Variants in PACS1 observed in about 807,000 individuals in gnomAD.
PACS1 encodes PACS-1.
Under a neutral mutation model 115.0 loss-of-function variants are expected in PACS1, and 24 were observed. That is an observed-to-expected ratio of 0.21 (90% CI 0.15 to 0.29). The LOEUF (loss-of-function observed/expected upper bound fraction) is 0.29, where lower values mean the gene tolerates loss of function less well. Among genes scored for constraint, PACS1 ranks in the 10% least tolerant of loss-of-function variants. PACS1 has a pLI of 1.00. For synonymous variants in PACS1, 453 were observed against 504.5 expected (o/e 0.90, Z 1.37); for missense variants, 838 against 1,251.2 (o/e 0.67, Z 4.98).
At chr11:66,195,655 T>C (rs951997236) in intron 2 of PACS1, among the ~76,000 whole-genome samples, 1 of 152,170 alleles carries the variant, frequency 6.6e-6, no homozygotes, top group Non-Finnish European at 1.5e-5. Flanking sequence ...ATTGTTCTAC[T>C]TCCAAGCAGC....
At chr11:66,079,342 A>G (rs1857446708) in intron 1 of PACS1, among the ~76,000 whole-genome samples, 1 of 135,300 alleles carries the variant, frequency 7.4e-6, no homozygotes. Context: ...TGCTGGGAAA[A>G]GGTCTGGGTA....
chr11:66,213,196 C>A (rs1460469086), intron 4 of PACS1, among the ~76,000 whole-genome samples: 1 of 152,150 alleles, frequency 6.6e-6, no homozygotes, highest in Non-Finnish European at 1.5e-5. Context: ...TTCCTTTGCT[C>A]TCATTTATTT....
intron 19 of PACS1, 57 bp from the exon 20 acceptor site, chr11:66,238,747 T>G: frequency 6.8e-7 from 1 of 1,465,858 alleles, no homozygotes. Context: ...TCTGGTTGGA[T>G]CAGAACATGC....
At chr11:66,189,534 G>A (rs371202272) in intron 1 of PACS1, among the ~76,000 whole-genome samples, 4 of 152,200 alleles carry the variant, frequency 2.6e-5, no homozygotes, top group Admixed American at 6.5e-5. Context: ...AGAACGTAAC[G>A]TGATTGTTTG....
Position 66,070,974 on chromosome 11 carries a change from A to T in PACS1, c.356+132A>T. 1 of 966,776 alleles carries T rather than the reference A, an allele frequency of 1.0e-6. No homozygotes were observed. Among genetic ancestry groups the T allele is most frequent in the Non-Finnish European group, 1.4e-6 (1 of 721,518 alleles). 59.9% of individuals were successfully genotyped at this position (966,776 alleles called of 1,614,324 possible). A position where few individuals can be genotyped will look rare whatever the true frequency, so the allele number is the denominator to read the frequency against. ...CTGTCCCGCGGCCCGGCCTGGCTCC[A>T]GCCAGGCCTCCCGGGACTCCTGCCA... On this transcript the variant is annotated intron_variant, in intron 1 of 23. Coordinates refer to ENST00000320580, the MANE Select transcript of PACS1 (RefSeq NM_018026.4). The surrounding 1 kb of genome is among the most constrained non-coding windows in gnomAD (Gnocchi z 5.9).
At position 66,173,124 on chromosome 11, in the gene PACS1, G is replaced by C. The variant is rs374094614; in HGVS notation, c.357-20362G>C. On this transcript the variant is annotated intron_variant, in intron 1 of 23. Transcript: ENST00000320580. ...TTTTTGTTTTTTTTTGTAGAGACAG[G>C]GTCCTGCTATGTTGCTCAGTCTGGT... Among the ~76,000 whole-genome samples the C allele has an allele frequency of 8.7e-5, 13 of 149,276 alleles. No individual in the cohort carries two copies. The East Asian group carries it at 2.5e-3, about 29-fold the overall frequency.
chr11:66,228,442 T>C (rs924358554), intron 11 of PACS1, among the ~76,000 whole-genome samples: 2 of 152,238 alleles, frequency 1.3e-5, no homozygotes, highest in Non-Finnish European at 2.9e-5. Context: ...TGAAACTCAC[T>C]ACCCTAACTT....
intron 1 of PACS1, among the ~76,000 whole-genome samples, chr11:66,188,617 C>A (rs1171181016): frequency 1.3e-5 from 2 of 152,148 alleles, no homozygotes; most frequent in Non-Finnish European, 2.9e-5. Flanking sequence ...TCTCTTCAGG[C>A]CTTGTATCCT....
At chr11:66,116,627 T>C (rs1858311556) in intron 1 of PACS1, among the ~76,000 whole-genome samples, 1 of 152,228 alleles carries the variant, frequency 6.6e-6, no homozygotes, top group South Asian at 2.1e-4. Flanking sequence ...GCACAGTGGC[T>C]CACGCCTGTA....
chr11:66,102,715 C>T (rs557601110), intron 1 of PACS1, among the ~76,000 whole-genome samples: 3 of 152,194 alleles, frequency 2.0e-5, no homozygotes, highest in East Asian at 1.9e-4. Context: ...TACTGCTCTC[C>T]CCATGCCCCA....
At chr11:66,071,719 T>G (rs1236900175) in intron 1 of PACS1, among the ~76,000 whole-genome samples, 1 of 152,174 alleles carries the variant, frequency 6.6e-6, no homozygotes, top group East Asian at 1.9e-4. Flanking sequence ...GAGGTGTTCT[T>G]TTTTGTCACC....
intron 10 of PACS1, among the ~76,000 whole-genome samples, chr11:66,225,296 A>G (rs1316261707): frequency 1.3e-5 from 2 of 152,192 alleles, no homozygotes; most frequent in Non-Finnish European, 1.5e-5. Context: ...GTGATACCTC[A>G]TCCATATCCC....
intron 1 of PACS1, among the ~76,000 whole-genome samples, chr11:66,074,661 A>G (rs1857363631): frequency 6.6e-6 from 1 of 152,208 alleles, no homozygotes; most frequent in Non-Finnish European, 1.5e-5. Context: ...AGGAGTTGGC[A>G]GTTATCAGTC....
At chr11:66,116,344 G>A (rs1434786025) in intron 1 of PACS1, among the ~76,000 whole-genome samples, 3 of 152,218 alleles carry the variant, frequency 2.0e-5, no homozygotes, top group South Asian at 4.1e-4. Flanking sequence ...GGTTGAATGA[G>A]ACTGTCTACA....
intron 1 of PACS1, among the ~76,000 whole-genome samples, chr11:66,176,482 C>T (rs10791851): frequency 0.21 from 30,915 of 149,476 alleles, 3,258 homozygotes; most frequent in Middle Eastern, 0.28. Context: ...GGCGTGATCT[C>T]GGCTCACTGC....
At chr11:66,095,750 G>T (rs4930339) in intron 1 of PACS1, among the ~76,000 whole-genome samples, 309 of 152,026 alleles carry the variant, frequency 2.0e-3, no homozygotes, top group Non-Finnish European at 3.5e-3. Context: ...GAGCCACCAC[G>T]CCCGGCCTCA....
At chr11:66,218,292 G>A (rs1044426446) in intron 7 of PACS1, 9 of 152,176 alleles carry the variant, frequency 5.9e-5, no homozygotes, top group African/African-American at 2.2e-4. Flanking sequence ...TACAACCACA[G>A]GCTAAGCATC....
intron 1 of PACS1, among the ~76,000 whole-genome samples, chr11:66,104,983 A>G (rs150449654): frequency 6.6e-6 from 1 of 152,270 alleles, no homozygotes. Flanking sequence ...TCTCTTCTGT[A>G]TTACACACAT....
At chr11:66,170,106 T>C (rs780461161) in intron 1 of PACS1, among the ~76,000 whole-genome samples, 3 of 150,672 alleles carry the variant, frequency 2.0e-5, no homozygotes, top group Non-Finnish European at 4.4e-5. Flanking sequence ...TTTACTTGCA[T>C]AAAGTGGTTT....
Sources: gnomAD v4.1 joint callset for allele counts (sites outside exome capture counted in the v4.1 genomes callset) on GRCh38, gnomAD v4.1.1 for gene constraint, Gnocchi (gnomAD v3.1) non-coding constraint, MANE v1.5 for transcripts, NCBI Gene and HGNC (gene_info 2026-07-23, HGNC 2026-07-21) for gene names.